Variants in NELL1 observed in about 807,000 individuals in gnomAD.
NELL1 encodes protein kinase C-binding protein NELL1.
NELL1 carries 76 observed loss-of-function variants against 107.4 expected under a neutral mutation model. The observed-to-expected ratio is 0.71, with a 90% CI of 0.59 to 0.86. NELL1 has a LOEUF of 0.86. Among genes scored for constraint, NELL1 ranks in the 40% least tolerant of loss-of-function variants. The pLI, the probability that NELL1 is intolerant of heterozygous loss-of-function variation, is 0.00. For synonymous variants in NELL1, 353 were observed against 341.2 expected, an observed-to-expected ratio of 1.03 and a Z score of -0.38; for missense variants, 1,024 against 1,005.5, an observed-to-expected ratio of 1.02 and a Z score of -0.25.
chr11:20,672,770 G>A (rs1344242774), intron 1 of NELL1, among the ~76,000 whole-genome samples: 1 of 152,126 alleles, frequency 6.6e-6, no homozygotes, highest in African/African-American at 2.4e-5. Flanking sequence ...CCAGGGCAGA[G>A]GGTGAAGGGA....
intron 16 of NELL1, among the ~76,000 whole-genome samples, chr11:21,542,361 T>G (rs2133979852): frequency 6.6e-6 from 1 of 152,114 alleles, no homozygotes; most frequent in South Asian, 2.1e-4. Flanking sequence ...AGTGATGGGC[T>G]CATAGGTAGA....
At chr11:21,095,887 G>C (rs569079195) in intron 12 of NELL1, among the ~76,000 whole-genome samples, 58 of 152,336 alleles carry the variant, frequency 3.8e-4, no homozygotes, top group Non-Finnish European at 8.2e-4. Flanking sequence ...TGGGATTATA[G>C]ATGTGAGCCA....
intron 2 of NELL1, among the ~76,000 whole-genome samples, chr11:20,694,913 C>T: frequency 6.6e-6 from 1 of 151,974 alleles, no homozygotes; most frequent in East Asian, 1.9e-4. Context: ...AGTGATTCTT[C>T]TAATCCATGA....
At chr11:21,217,504 G>A (rs1034611027) in intron 13 of NELL1, among the ~76,000 whole-genome samples, 1 of 152,096 alleles carries the variant, frequency 6.6e-6, no homozygotes, top group Non-Finnish European at 1.5e-5. Context: ...CAACATTGTA[G>A]CAATTCTTTT....
chr11:20,722,655 A>G (rs1855418218), intron 2 of NELL1, among the ~76,000 whole-genome samples: 1 of 152,248 alleles, frequency 6.6e-6, no homozygotes, highest in East Asian at 1.9e-4. Context: ...TGAGACAATC[A>G]TTTTCTACAC....
chr11:21,528,743 A>G lies in NELL1; in HGVS notation c.1646-5631A>G, dbSNP rs75476471. Among the ~76,000 whole-genome samples the G allele has an allele frequency of 9.5e-4, 145 of 152,248 alleles. 1 individual carries two copies. The East Asian group carries it at 0.024, about 25-fold the overall frequency. ...AAGTGAAGCTCAAAAAAGATAAATA[A>G]CTTGCTCAAAGTCAAAGTCATGTAA... On this transcript the variant is annotated intron_variant, in intron 15 of 19. Transcript: ENST00000357134.
chr11:20,803,120 G>C (rs1857312231), intron 3 of NELL1, among the ~76,000 whole-genome samples: 1 of 152,012 alleles, frequency 6.6e-6, no homozygotes, highest in Admixed American at 6.6e-5. Context: ...TATTTTTCAG[G>C]ATAGTTTGAG....
In NELL1 at chr11:21,560,376, C is replaced by G. The variant is rs1856820695; in HGVS notation, c.1974C>G (p.Ser658=). 2 of 1,575,026 alleles carry G rather than the reference C, an allele frequency of 1.3e-6. No individual in the cohort carries two copies. Among genetic ancestry groups the G allele is most frequent in the Non-Finnish European group, 1.7e-6 (2 of 1,162,600 alleles). ...TLKEDRCSVC[S]CKDGKIFCRR... is the part of the protein sequence containing the mutation. ...AAGAAGACAGGTGTTCTGTCTGCTC[C>G]TGCAAGGTGAGGCTGATGTGGTGCA... The change falls in exon 17 of 20, where the codon TCC becomes TCG. Residue 658 remains serine (S), a synonymous_variant. Coordinates refer to ENST00000357134, the MANE Select transcript of NELL1 (RefSeq NM_006157.5).
chr11:20,980,016 A>G (rs548210875), intron 12 of NELL1, among the ~76,000 whole-genome samples: 3 of 152,330 alleles, frequency 2.0e-5, no homozygotes, highest in East Asian at 3.9e-4. Context: ...AGTATTGTAC[A>G]TGGTACATTG....
intron 3 of NELL1, among the ~76,000 whole-genome samples, chr11:20,831,519 A>G (rs1440387987): frequency 6.6e-6 from 1 of 152,178 alleles, no homozygotes; most frequent in Admixed American, 6.5e-5. Context: ...TGAAGAACAT[A>G]ACAGGAATTA....
intron 2 of NELL1, among the ~76,000 whole-genome samples, chr11:20,716,166 G>T (rs1162296745): frequency 6.6e-6 from 1 of 152,128 alleles, no homozygotes; most frequent in African/African-American, 2.4e-5. Context: ...AAAAAAATCG[G>T]GCACAGAAAC....
chr11:20,700,368 A>G (rs1302520440), intron 2 of NELL1, among the ~76,000 whole-genome samples: 1 of 151,940 alleles, frequency 6.6e-6, no homozygotes, highest in Non-Finnish European at 1.5e-5. Context: ...AGTCCTAGCT[A>G]CTCGGGAGGC....
At chr11:21,198,153 C>G (rs1477670834) in intron 13 of NELL1, among the ~76,000 whole-genome samples, 1 of 152,190 alleles carries the variant, frequency 6.6e-6, no homozygotes, top group African/African-American at 2.4e-5. Context: ...CTGGACTCAG[C>G]TGGGGCTATC....
chr11:21,126,325 C>T (rs1420555011), intron 13 of NELL1, among the ~76,000 whole-genome samples: 5 of 151,782 alleles, frequency 3.3e-5, no homozygotes, highest in Non-Finnish European at 5.9e-5. Flanking sequence ...TTCACGTAAG[C>T]AAGCACCTAC....
chr11:21,241,621 G>A (rs1202717540), intron 14 of NELL1, among the ~76,000 whole-genome samples: 1 of 152,056 alleles, frequency 6.6e-6, no homozygotes, highest in Non-Finnish European at 1.5e-5. Context: ...TAATTTGGGG[G>A]TAGTGCTAAC....
At chr11:21,077,208 A>C (rs546047423) in intron 12 of NELL1, among the ~76,000 whole-genome samples, 1 of 152,306 alleles carries the variant, frequency 6.6e-6, no homozygotes. Flanking sequence ...AATTCACCTG[A>C]GTAACATGAC....
chr11:21,135,318 A>G (rs1358249683), intron 13 of NELL1, among the ~76,000 whole-genome samples: 2 of 152,220 alleles, frequency 1.3e-5, no homozygotes, highest in African/African-American at 4.8e-5. Context: ...TTAGGTATAG[A>G]TAGACATGTC....
At chr11:20,751,130 A>C (rs1408778335) in intron 2 of NELL1, among the ~76,000 whole-genome samples, 2 of 151,660 alleles carry the variant, frequency 1.3e-5, no homozygotes, top group Non-Finnish European at 2.9e-5. Flanking sequence ...CTATTACTGC[A>C]GTTTTATGGT....
intron 4 of NELL1, among the ~76,000 whole-genome samples, chr11:20,865,721 A>ATGCCAGAAAGGGAAGAGCTTT (rs1200514891): frequency 1.3e-5 from 2 of 152,078 alleles, no homozygotes; most frequent in Non-Finnish European, 2.9e-5. Context: ...TTGCTCTTTA[A>ATGCCAGAAAGGGAAGAGCTTT]TGCCAGAAAG....
Sources: gnomAD v4.1 joint callset for allele counts (sites outside exome capture counted in the v4.1 genomes callset) on GRCh38, gnomAD v4.1.1 for gene constraint, MANE v1.5 for transcripts, NCBI Gene and HGNC (gene_info 2026-07-23, HGNC 2026-07-21) for gene names.